Variants in SORCS1 observed in about 807,000 individuals in gnomAD.
SORCS1 encodes the protein sortilin related VPS10 domain containing receptor 1, also known as VPS10 domain-containing receptor SorCS1.
Under a neutral mutation model 146.1 loss-of-function variants are expected in SORCS1, and 60 were observed. That is an observed-to-expected ratio of 0.41 (90% CI 0.33 to 0.51). The LOEUF (loss-of-function observed/expected upper bound fraction) is 0.51, where lower values mean the gene tolerates loss of function less well. Among genes scored for constraint, SORCS1 ranks in the 20% least tolerant of loss-of-function variants. The pLI is 0.21. For synonymous variants in SORCS1, 637 were observed against 584.0 expected, an observed-to-expected ratio of 1.09 and a Z score of -1.31; for missense variants, 1,352 against 1,487.6, an observed-to-expected ratio of 0.91 and a Z score of 1.50.
chr10:107,103,657 C>T (rs1027411916), intron 1 of SORCS1, among the ~76,000 whole-genome samples: 8 of 152,212 alleles, frequency 5.3e-5, no homozygotes, highest in African/African-American at 1.9e-4. Context: ...CAGAGATCTC[C>T]TTTCCCCTCA....
chr10:107,134,583 G>C (rs562651714), intron 1 of SORCS1, among the ~76,000 whole-genome samples: 64 of 152,240 alleles, frequency 4.2e-4, no homozygotes, highest in African/African-American at 1.5e-3. Context: ...AGGTTGCAGT[G>C]AGCCGAGATC....
At chr10:106,629,443 T>A (rs1456090096) in intron 18 of SORCS1, 55 bp from the exon 19 acceptor site, 1 of 1,580,812 alleles carries the variant, frequency 6.3e-7, no homozygotes, top group South Asian at 1.1e-5. Flanking sequence ...TGCTCCTGCC[T>A]AGGGGACTGG....
chr10:106,935,857 T>C (rs896902513), intron 2 of SORCS1, among the ~76,000 whole-genome samples: 4 of 152,254 alleles, frequency 2.6e-5, no homozygotes, highest in African/African-American at 4.8e-5. Context: ...CTGTTTTGAT[T>C]GTCTTTGCAA....
chr10:107,060,739 T>C lies in SORCS1; in HGVS notation c.558+103230A>G, dbSNP rs1226683733. 1.3e-5 allele frequency among the ~76,000 whole-genome samples: 2 copies of C among 152,182 alleles called. No individual in the cohort carries two copies. The highest frequency in any genetic ancestry group is 6.6e-5 in the Admixed American group (1 of 15,266). On this transcript the variant is annotated intron_variant, in intron 1 of 25. Transcript: ENST00000263054. The surrounding 1 kb of genome is among the most constrained non-coding windows in gnomAD (Gnocchi z 4.1). ...TACTCTTAGACAATATCTTTTTACA[T>C]GAAAAAATGTACTAAATGTGACTCA... is the stretch of plus-strand genomic sequence containing the variant.
At chr10:107,071,125 T>G (rs1404140762) in intron 1 of SORCS1, among the ~76,000 whole-genome samples, 1 of 151,936 alleles carries the variant, frequency 6.6e-6, no homozygotes, top group East Asian at 1.9e-4. Flanking sequence ...TGCCTCAGAG[T>G]CAAGTTGCCA....
In SORCS1 at chr10:106,633,634, T is replaced by C. The variant is rs1350135154; in HGVS notation, c.2476-4246A>G. The stretch of plus-strand genomic sequence containing the variant: ...ACTGGAAGTGTGTTGGAAAGCCAAT[T>C]TGGAGGTATTCTAGGATAGATGATA... On this transcript the variant is annotated intron_variant, in intron 18 of 25. Transcript: ENST00000263054. Among the ~76,000 whole-genome samples, 3 of 151,906 alleles carry C rather than the reference T, an allele frequency of 2.0e-5. No individual in the cohort carries two copies. In the East Asian group the frequency reaches 5.8e-4, roughly 29 times the overall value.
chr10:106,853,876 GGTCT>G (rs749746074), intron 2 of SORCS1, among the ~76,000 whole-genome samples: 18 of 151,898 alleles, frequency 1.2e-4, no homozygotes, highest in Admixed American at 1.1e-3. Context: ...TTCAGAAAGT[GGTCT>G]GTCTTAGCAA....
chr10:106,810,000 C>A (rs1349021347), intron 3 of SORCS1, among the ~76,000 whole-genome samples: 3 of 152,276 alleles, frequency 2.0e-5, no homozygotes, highest in Non-Finnish European at 4.4e-5. Flanking sequence ...GCGGGCGGAT[C>A]ACCTGCGGTC....
At chr10:106,963,274 C>T (rs1359444404) in intron 1 of SORCS1, among the ~76,000 whole-genome samples, 1 of 151,822 alleles carries the variant, frequency 6.6e-6, no homozygotes, top group Non-Finnish European at 1.5e-5. Flanking sequence ...CACCACCACG[C>T]CCGGCTAACT....
In SORCS1 at chr10:106,699,381, T is replaced by C. The variant is rs368140619; in HGVS notation, c.1246A>G (p.Ile416Val). ...KYALPKDMHV[I>V]STDENQVFAA... ...AACACCTGATTCTCATCGGTGCTGA[T>C]AACATGCATGTCCTGTGAAAAGACA... Residue 416 changes from isoleucine to valine, a missense_variant, in exon 9 of 26, where the codon ATC becomes GTC. By Grantham distance (29) the Ile-to-Val change is conservative (BLOSUM62 3). Transcript: ENST00000263054. 1.9e-6 allele frequency: 3 copies of C among 1,611,872 alleles called. No homozygotes were observed. The highest frequency in any genetic ancestry group is 1.6e-4 in the Middle Eastern group (1 of 6,080).
chr10:106,679,812 C>A, intron 10 of SORCS1, 78 bp from the exon 11 acceptor site: 3 of 1,130,370 alleles, frequency 2.7e-6, no homozygotes, highest in Non-Finnish European at 3.9e-6. Flanking sequence ...GATCATCCAT[C>A]CATCTAACCA....
chr10:106,988,761 T>C (rs970808331), intron 1 of SORCS1, among the ~76,000 whole-genome samples: 4 of 152,152 alleles, frequency 2.6e-5, no homozygotes, highest in Non-Finnish European at 4.4e-5. Context: ...AAATGTGACT[T>C]TTTAACACAA....
At chr10:107,112,719 G>A (rs1965774919) in intron 1 of SORCS1, among the ~76,000 whole-genome samples, 1 of 152,136 alleles carries the variant, frequency 6.6e-6, no homozygotes, top group African/African-American at 2.4e-5. Context: ...AACCAAAAGA[G>A]AGCATGGGTG....
At chr10:106,648,861 T>C (rs1470042710) in intron 18 of SORCS1, among the ~76,000 whole-genome samples, 1 of 151,812 alleles carries the variant, frequency 6.6e-6, no homozygotes, top group African/African-American at 2.4e-5. Context: ...CCTGCCCCCA[T>C]CCTGTGCCTA....
At chr10:106,798,622 C>CT (rs1159410479) in intron 3 of SORCS1, among the ~76,000 whole-genome samples, 1 of 152,180 alleles carries the variant, frequency 6.6e-6, no homozygotes, top group Non-Finnish European at 1.5e-5. Context: ...TGATCTCACT[C>CT]TTTTTTGTGG....
At chr10:107,067,436 C>G (rs571803802) in intron 1 of SORCS1, among the ~76,000 whole-genome samples, 14 of 152,018 alleles carry the variant, frequency 9.2e-5, no homozygotes, top group Non-Finnish European at 1.9e-4. Context: ...CTGCAGGTAG[C>G]AACAGTCCCT....
At position 106,577,050 on chromosome 10, in the gene SORCS1, C is replaced by CA. The variant is rs1468005119; in HGVS notation, c.*369dup. On this transcript the variant is annotated 3_prime_UTR_variant, in exon 26 of 26. Transcript: ENST00000263054. The stretch of plus-strand genomic sequence containing the variant: ...TACACTGCCCCTCCAGACATGTTCT[C>CA]AGAGTATTGTCCACATGCACAGGCT... The CA allele has an allele frequency of 9.3e-6, 4 of 431,578 alleles. No homozygotes were observed. The highest frequency in any genetic ancestry group is 6.2e-5 in the African/African-American group (3 of 48,124). 26.7% of individuals were successfully genotyped at this position (431,578 alleles called of 1,614,324 possible).
At chr10:106,949,607 G>C (rs1244481899) in intron 2 of SORCS1, among the ~76,000 whole-genome samples, 1 of 152,176 alleles carries the variant, frequency 6.6e-6, no homozygotes, top group Admixed American at 6.5e-5. Flanking sequence ...TGAGAAAATG[G>C]GACAGGGCTG....
chr10:107,058,341 T>A (rs1960851068), intron 1 of SORCS1, among the ~76,000 whole-genome samples: 1 of 152,132 alleles, frequency 6.6e-6, no homozygotes, highest in Admixed American at 6.5e-5. Context: ...ATGCCTGGCC[T>A]AAAATCAACT....
Sources: allele counts gnomAD v4.1 joint callset (sites outside exome capture counted in the v4.1 genomes callset), GRCh38; gene constraint gnomAD v4.1.1; non-coding constraint Gnocchi (gnomAD v3.1); transcripts MANE v1.5; gene names NCBI Gene and HGNC (gene_info 2026-07-23, HGNC 2026-07-21).